The following LRRK1 variants were observed in gnomAD, a reference collection of about 807,000 sequenced individuals.
LRRK1 encodes leucine-rich repeat serine/threonine-protein kinase 1.
Under a neutral mutation model 209.1 loss-of-function variants are expected in LRRK1, and 113 were observed. That is an observed-to-expected ratio of 0.54 (90% CI 0.46 to 0.63). The LOEUF is 0.63. Ranked by LOEUF, LRRK1 falls within the 30% of genes least tolerant of loss-of-function variation. The pLI is 0.00. For missense variants in LRRK1, 2,284 were observed against 2,632.2 expected, an observed-to-expected ratio of 0.87 and a Z score of 2.89; for synonymous variants, 1,144 against 1,099.7, an observed-to-expected ratio of 1.04 and a Z score of -0.80.
chr15:100,926,899 G>A (rs758637669), intron 2 of LRRK1, among the ~76,000 whole-genome samples: 12 of 151,984 alleles, frequency 7.9e-5, no homozygotes, highest in East Asian at 1.9e-4. Flanking sequence ...TGGCCAGGCT[G>A]GTCTAGAATT....
chr15:101,027,261 T>A lies in LRRK1; in HGVS notation c.2406T>A (p.His802Gln). 6.2e-7 allele frequency: 1 copy of A among 1,605,940 alleles called. No homozygotes were observed. The change falls in exon 18 of 34, where the codon CAT becomes CAA. Residue 802 changes from histidine (H) to glutamine (Q), a missense_variant and splice_region_variant. Physicochemically the swap from His to Gln is conservative, Grantham distance 24 (BLOSUM62 0). Around this residue, in one of 6 missense-constraint regions of LRRK1, gnomAD observed 780 missense variants for 985.2 expected, o/e 0.79. Coordinates refer to ENST00000388948, the MANE Select transcript of LRRK1 (RefSeq NM_024652.6). This position sits in a 1 kb window ranked among gnomAD's most constrained non-coding sequence, Gnocchi z 5.1. ...TAAAGACGGGTCTTTTTGCTCACAG[T>A]GAGATTTCCTGCAAGAGCCTGGAAG... Reference protein sequence around the residue: ...GFPDITFKHLHEISCKSLEGQ... With the variant: ...GFPDITFKHLQEISCKSLEGQ...
chr15:100,957,889 G>A (rs1004519418), intron 2 of LRRK1, among the ~76,000 whole-genome samples: 10 of 152,120 alleles, frequency 6.6e-5, no homozygotes, highest in African/African-American at 9.7e-5. Context: ...TTGCTGAGAC[G>A]GAGTCTCACT....
At chr15:100,989,582 G>A (rs1034146979) in intron 6 of LRRK1, 184 bp downstream of exon 6, 1 of 628,960 alleles carries the variant, frequency 1.6e-6, no homozygotes, top group Non-Finnish European at 2.7e-6. Flanking sequence ...TGAAGGTGGA[G>A]GGCAAGAGAC....
chr15:101,014,927 C>G (rs2033457143), intron 11 of LRRK1, among the ~76,000 whole-genome samples: 1 of 152,208 alleles, frequency 6.6e-6, no homozygotes. Flanking sequence ...AATCTTGTCT[C>G]TCACTTCAGC....
rs1265943971 is a variant in LRRK1, at chr15:101,022,733, G to T, written c.2067+136G>T. 4 of 576,288 alleles carry T rather than the reference G, an allele frequency of 6.9e-6. No homozygotes were observed. Among genetic ancestry groups the T allele is most frequent in the East Asian group, 5.8e-5 (2 of 34,520 alleles). 35.7% of individuals were successfully genotyped at this position (576,288 alleles called of 1,614,324 possible). On this transcript the variant is annotated intron_variant, in intron 15 of 33. Transcript: ENST00000388948. This position sits in a 1 kb window ranked among gnomAD's most constrained non-coding sequence, Gnocchi z 4.0. ...TCAGGCCCTTTGCAGGAGCCACTGTGTACCATTCCATACCAGCTTCTGCCA... is the reference window on the plus strand; with the variant it reads ...TCAGGCCCTTTGCAGGAGCCACTGTTTACCATTCCATACCAGCTTCTGCCA...
At chr15:100,950,367 T>A (rs1490549498) in intron 2 of LRRK1, among the ~76,000 whole-genome samples, 2 of 152,190 alleles carry the variant, frequency 1.3e-5, no homozygotes, top group Non-Finnish European at 2.9e-5. Flanking sequence ...TGAAAAAACA[T>A]TCTGTATTCA....
chr15:100,924,746 G>T lies in LRRK1; in HGVS notation c.97+17G>T. 1 of 1,590,356 alleles carries T rather than the reference G, an allele frequency of 6.3e-7. No individual in the cohort carries two copies. Among genetic ancestry groups the T allele is most frequent in the South Asian group, 1.1e-5 (1 of 90,586 alleles). ...CGCTTAACGGTAAGGACAGGGCTGT[G>T]CTTATGCCTGCCTGGGTGTGACCTG... On this transcript the variant is annotated intron_variant, in intron 2 of 33. Coordinates refer to ENST00000388948, the MANE Select transcript of LRRK1 (RefSeq NM_024652.6).
At chr15:100,929,651 T>C (rs929488546) in intron 2 of LRRK1, among the ~76,000 whole-genome samples, 2 of 152,126 alleles carry the variant, frequency 1.3e-5, no homozygotes, top group Admixed American at 6.5e-5. Context: ...AGATCCCCAG[T>C]GATGAGCCAG....
intron 2 of LRRK1, among the ~76,000 whole-genome samples, chr15:100,946,156 A>G (rs573460567): frequency 1.3e-5 from 2 of 152,364 alleles, no homozygotes; most frequent in African/African-American, 4.8e-5. Context: ...TATTGTAAAT[A>G]TATCAATTCT....
At chr15:100,989,505 A>G in intron 6 of LRRK1, 107 bp downstream of exon 6, 1 of 1,212,306 alleles carries the variant, frequency 8.2e-7, no homozygotes, top group Non-Finnish European at 1.2e-6. Flanking sequence ...TTTGGCTTAC[A>G]GGTCTGGAGA....
intron 2 of LRRK1, among the ~76,000 whole-genome samples, chr15:100,951,230 C>A (rs1357876575): frequency 2.0e-5 from 3 of 152,144 alleles, no homozygotes; most frequent in African/African-American, 7.2e-5. Flanking sequence ...GAAGCAAAAC[C>A]ACCATGAGAT....
At position 101,076,698 on chromosome 15, in the gene LRRK1, T is replaced by C. The variant is rs1372923985; in HGVS notation, c.*7850T>C. The C allele has an allele frequency of 6.6e-6, 1 of 152,208 alleles. No homozygotes were observed. Among genetic ancestry groups the C allele is most frequent in the Non-Finnish European group, 1.5e-5 (1 of 68,102 alleles). 9.4% of individuals were successfully genotyped at this position (152,208 alleles called of 1,614,324 possible). A position where few individuals can be genotyped will look rare whatever the true frequency, so the allele number is the denominator to read the frequency against. ...CTGCTATTCTACTGCTCCTCAGGGA[T>C]TATTCAGGCCCCCTCCCTTCCCTAC... On this transcript the variant is annotated 3_prime_UTR_variant, in exon 34 of 34. Coordinates refer to ENST00000388948, the MANE Select transcript of LRRK1 (RefSeq NM_024652.6).
chr15:100,946,154 A>G (rs2042535919), intron 2 of LRRK1, among the ~76,000 whole-genome samples: 1 of 152,250 alleles, frequency 6.6e-6, no homozygotes. Flanking sequence ...AATATTGTAA[A>G]TATATCAATT....
At chr15:101,019,330 A>G (rs1167876822) in intron 12 of LRRK1, among the ~76,000 whole-genome samples, 1 of 152,232 alleles carries the variant, frequency 6.6e-6, no homozygotes, top group East Asian at 1.9e-4. Context: ...TTCTTTCATG[A>G]AAATGTGAAT....
At chr15:100,980,885 G>A (rs189684758) in intron 3 of LRRK1, among the ~76,000 whole-genome samples, 6 of 152,330 alleles carry the variant, frequency 3.9e-5, no homozygotes, top group Admixed American at 2.6e-4. Context: ...TTACATGGGT[G>A]TATTCAAATG....
chr15:100,973,146 G>T (rs1006543278), intron 2 of LRRK1, among the ~76,000 whole-genome samples: 1 of 152,212 alleles, frequency 6.6e-6, no homozygotes, highest in East Asian at 1.9e-4. Context: ...TTTGCTGAAC[G>T]GCCCGGGCGC....
At chr15:100,947,542 TGAAAA>T (rs1338639793) in intron 2 of LRRK1, among the ~76,000 whole-genome samples, 1 of 152,200 alleles carries the variant, frequency 6.6e-6, no homozygotes, top group African/African-American at 2.4e-5. Context: ...GAGGCTATCT[TGAAAA>T]GAACTTATTG....
chr15:100,961,380 C>T (rs1260561130), intron 2 of LRRK1, among the ~76,000 whole-genome samples: 3 of 152,098 alleles, frequency 2.0e-5, no homozygotes, highest in African/African-American at 2.4e-5. Flanking sequence ...GGTGGCTGGG[C>T]GCGGTGGCTC....
chr15:101,042,957 C>A (rs1351604368), intron 20 of LRRK1, among the ~76,000 whole-genome samples: 1 of 152,174 alleles, frequency 6.6e-6, no homozygotes, highest in Non-Finnish European at 1.5e-5. Context: ...GGGGAGCACA[C>A]GAGGGGTGAG....
Sources: gnomAD v4.1 joint callset for allele counts (sites outside exome capture counted in the v4.1 genomes callset) on GRCh38, gnomAD v4.1.1 for gene constraint, gnomAD v4.1.1 regional missense constraint, Gnocchi (gnomAD v3.1) non-coding constraint, MANE v1.5 for transcripts, NCBI Gene and HGNC (gene_info 2026-07-23, HGNC 2026-07-21) for gene names.